Variants in CELF2 observed in about 807,000 individuals in gnomAD.
The protein encoded by CELF2 is CUG triplet repeat RNA-binding protein 2.
A neutral mutation model predicts 62.6 loss-of-function variants in CELF2; 8 were observed. The observed-to-expected ratio is 0.13, with a 90% confidence interval of 0.07 to 0.23. CELF2 has a LOEUF of 0.23. Ranked by LOEUF, CELF2 falls within the 10% of genes least tolerant of loss-of-function variation. The probability of loss-of-function intolerance (pLI) is 1.00; values close to 1 mark genes in which losing one functional copy is unlikely to be tolerated. For missense variants in CELF2, 333 were observed against 671.0 expected, an observed-to-expected ratio of 0.50 and a Z score of 5.56; for synonymous variants, 258 against 250.0, an observed-to-expected ratio of 1.03 and a Z score of -0.30.
At chr10:10,777,317 G>C in the CELF2 span, among the ~76,000 whole-genome samples, 1 of 152,140 alleles carries the variant, frequency 6.6e-6, no homozygotes, top group Admixed American at 6.5e-5. Context: ...GATGTCCCAG[G>C]TGCTACAAAT....
chr10:10,779,803 C>G, the CELF2 span, among the ~76,000 whole-genome samples: 1 of 151,974 alleles, frequency 6.6e-6, no homozygotes, highest in South Asian at 2.1e-4. Flanking sequence ...CTAAATTTTC[C>G]CTCCATATCT....
the CELF2 span, among the ~76,000 whole-genome samples, chr10:10,738,299 T>A: frequency 1.3e-5 from 2 of 152,240 alleles, no homozygotes; most frequent in African/African-American, 4.8e-5. Flanking sequence ...CTGCCATACA[T>A]TCATATTTCT....
rs1020550032 is a variant in CELF2 at position 11,288,339 on chromosome 10, T to C, written c.842-79T>C. The C allele has an allele frequency of 1.8e-5, 28 of 1,556,328 alleles. No homozygotes were observed. In the African/African-American group the frequency reaches 3.5e-4, roughly 20 times the overall value. On this transcript the variant is annotated intron_variant, in intron 8 of 12. Transcript: ENST00000633077. ...CTGCTCTCATCATGTGTCCTGACGATTTGATGAGCCTGCTCTTGTTTGGAA... is the reference window on the plus strand; with the variant it reads ...CTGCTCTCATCATGTGTCCTGACGACTTGATGAGCCTGCTCTTGTTTGGAA...
chr10:10,518,275 C>T, the CELF2 span, among the ~76,000 whole-genome samples: 1 of 152,244 alleles, frequency 6.6e-6, no homozygotes, highest in Non-Finnish European at 1.5e-5. Context: ...CTAAGCCCTG[C>T]ACTCTACCTG....
intron 1 of CELF2, among the ~76,000 whole-genome samples, chr10:11,062,146 CA>C (rs1024052749): frequency 3.1e-4 from 46 of 150,370 alleles, no homozygotes; most frequent in African/African-American, 8.2e-4. Flanking sequence ...ACCTACTGCT[CA>C]GGGGGGGAAA....
the CELF2 span, among the ~76,000 whole-genome samples, chr10:10,609,192 A>G: frequency 1.3e-5 from 2 of 152,214 alleles, no homozygotes; most frequent in African/African-American, 2.4e-5. Context: ...GAAAAATTAT[A>G]TGTTAGCCAA....
chr10:10,738,080 G>T, the CELF2 span, among the ~76,000 whole-genome samples: 3 of 152,142 alleles, frequency 2.0e-5, no homozygotes, highest in Non-Finnish European at 4.4e-5. Context: ...TGGAGTTCCT[G>T]GGGGTCCATT....
At chr10:10,592,438 A>T in the CELF2 span, among the ~76,000 whole-genome samples, 8 of 152,070 alleles carry the variant, frequency 5.3e-5, no homozygotes, top group African/African-American at 1.7e-4. Context: ...TCAACCTCAG[A>T]CCTTCCTTTC....
chr10:10,548,718 A>G, the CELF2 span, among the ~76,000 whole-genome samples: 1 of 152,184 alleles, frequency 6.6e-6, no homozygotes, highest in Non-Finnish European at 1.5e-5. Context: ...TATAATAGTC[A>G]TAAATAAATG....
intron 1 of CELF2, among the ~76,000 whole-genome samples, chr10:10,860,275 A>G (rs1055078301): frequency 6.6e-6 from 1 of 152,186 alleles, no homozygotes; most frequent in Non-Finnish European, 1.5e-5. Context: ...AAGATTAAAA[A>G]TGGTGAATAA....
chr10:10,774,099 G>A, the CELF2 span, among the ~76,000 whole-genome samples: 1 of 152,164 alleles, frequency 6.6e-6, no homozygotes, highest in Non-Finnish European at 1.5e-5. Flanking sequence ...ATGCTGCCTG[G>A]TAACTTCCTT....
intron 2 of CELF2, among the ~76,000 whole-genome samples, chr10:10,961,129 G>A (rs192671067): frequency 6.6e-6 from 1 of 152,238 alleles, no homozygotes; most frequent in East Asian, 1.9e-4. Flanking sequence ...TTTGAAATTG[G>A]AAGGCATCTG....
chr10:11,158,122 G>T (rs530343385), intron 1 of CELF2, among the ~76,000 whole-genome samples: 4 of 152,094 alleles, frequency 2.6e-5, no homozygotes, highest in Admixed American at 6.6e-5. Flanking sequence ...GTTAACTGAC[G>T]GTGAAACCAG....
rs2093324969 is a variant in CELF2 at position 11,297,561 on chromosome 10, TG to T, written c.976+9013del. Among the ~76,000 whole-genome samples, 1 of 152,144 alleles carries T rather than the reference TG, an allele frequency of 6.6e-6. No individual in the cohort carries two copies. Among genetic ancestry groups the T allele is most frequent in the South Asian group, 2.1e-4 (1 of 4,820 alleles). On this transcript the variant is annotated intron_variant, in intron 9 of 12. Transcript: ENST00000633077. The surrounding 1 kb of genome is among the most constrained non-coding windows in gnomAD (Gnocchi z 4.4). ...AGAAAGAGCTGACTGAAGTTTGAGT[TG>T]GGGAGTGGGTTCTCCCCAGACTGGC...
rs557596121 is a variant in CELF2, at chr10:11,243,848, C to G, written c.355-5305C>G. 5.1e-4 allele frequency among the ~76,000 whole-genome samples: 78 copies of G among 152,378 alleles called. No homozygotes were observed. The highest frequency in any genetic ancestry group is 1.9e-3 in the African/African-American group (77 of 41,588). On this transcript the variant is annotated intron_variant, in intron 3 of 12. Coordinates refer to ENST00000633077, the MANE Select transcript of CELF2 (RefSeq NM_001326342.2). This position sits in a 1 kb window ranked among gnomAD's most constrained non-coding sequence, Gnocchi z 4.1. ...GGAGATGCAGCCTCAGTTTAATTAG[C>G]ACACGTCTCTTCAGAGACTCCTTGC...
At chr10:10,543,212 C>T in the CELF2 span, among the ~76,000 whole-genome samples, 2 of 152,170 alleles carry the variant, frequency 1.3e-5, no homozygotes, top group African/African-American at 4.8e-5. Context: ...AATGGTTGGT[C>T]TCATTCCTCA....
At chr10:10,940,617 G>T (rs947066686) in intron 2 of CELF2, among the ~76,000 whole-genome samples, 1 of 152,154 alleles carries the variant, frequency 6.6e-6, no homozygotes, top group Non-Finnish European at 1.5e-5. Flanking sequence ...TATCTTAAAT[G>T]CATGGCACTA....
the CELF2 span, among the ~76,000 whole-genome samples, chr10:10,502,905 G>A: frequency 6.6e-6 from 1 of 151,790 alleles, no homozygotes; most frequent in Admixed American, 6.6e-5. Flanking sequence ...TGGATTATCT[G>A]TATCCCCCAA....
chr10:10,795,757 A>AAAG (rs1590418632), upstream of CELF2, among the ~76,000 whole-genome samples: 1 of 151,760 alleles, frequency 6.6e-6, no homozygotes, highest in Non-Finnish European at 1.5e-5. Flanking sequence ...GAAATTAAGA[A>AAAG]AAAGGCAAAA....
Sources: gnomAD v4.1 joint callset for allele counts (sites outside exome capture counted in the v4.1 genomes callset) on GRCh38, gnomAD v4.1.1 for gene constraint, Gnocchi (gnomAD v3.1) non-coding constraint, MANE v1.5 for transcripts, NCBI Gene and HGNC (gene_info 2026-07-23, HGNC 2026-07-21) for gene names.